The following NEO1 variants were observed in gnomAD, a reference collection of about 807,000 sequenced individuals.
NEO1 encodes neogenin 1.
In NEO1, 63 loss-of-function variants were observed where a neutral mutation model predicts 159.7. The ratio of observed to expected loss-of-function variants is 0.39; its 90% CI spans 0.32 to 0.49. The LOEUF is 0.49. Among genes scored for constraint, NEO1 ranks in the 20% least tolerant of loss-of-function variants. The pLI is 0.85. For synonymous variants in NEO1, 633 were observed against 662.0 expected, an observed-to-expected ratio of 0.96 and a Z score of 0.67; for missense variants, 1,615 against 1,831.0, an observed-to-expected ratio of 0.88 and a Z score of 2.15.
chr15:73,296,442 G>A (rs1204894353), intron 26 of NEO1, among the ~76,000 whole-genome samples: 2 of 152,110 alleles, frequency 1.3e-5, no homozygotes, highest in African/African-American at 4.8e-5. Flanking sequence ...ACCTAAGCCT[G>A]GTAGGGCCAA....
chr15:73,105,083 T>C (rs1481864938), intron 1 of NEO1, among the ~76,000 whole-genome samples: 1 of 152,196 alleles, frequency 6.6e-6, no homozygotes. Flanking sequence ...TATGAAAATA[T>C]TTTATTAAAT....
In NEO1 at chr15:73,244,334, T is replaced by C; in HGVS notation, c.1452-10T>C. ...TTAATGCTATCTCTCTCCAAATCCT[T>C]TGTCTAAAGGGAACGTGTTGAGAAT... On this transcript the variant is annotated splice_polypyrimidine_tract_variant and intron_variant, in intron 8 of 28. Coordinates refer to ENST00000261908, the MANE Select transcript of NEO1 (RefSeq NM_002499.4). 1 of 1,609,534 alleles carries C rather than the reference T, an allele frequency of 6.2e-7. No individual in the cohort carries two copies. The highest frequency in any genetic ancestry group is 1.1e-5 in the South Asian group (1 of 90,444).
intron 5 of NEO1, among the ~76,000 whole-genome samples, chr15:73,163,185 G>A (rs2034314303): frequency 6.6e-6 from 1 of 151,944 alleles, no homozygotes; most frequent in East Asian, 1.9e-4. Context: ...ACGTAAGAAT[G>A]TGAATGACAA....
Position 73,293,539 on chromosome 15 carries a change from A to T in NEO1, c.3892A>T (p.Asn1298Tyr), listed in dbSNP as rs140933129. 24 of 1,614,012 alleles carry T rather than the reference A, an allele frequency of 1.5e-5. No individual in the cohort carries two copies. In the African/African-American group the frequency reaches 3.2e-4, roughly 22 times the overall value. ...ATCCATGTCCCTTTCAGACAGGGCCAATTCCACAGGTGAGAGATGAGGATC... is the reference window on the plus strand; with the variant it reads ...ATCCATGTCCCTTTCAGACAGGGCCTATTCCACAGGTGAGAGATGAGGATC... ...GTSMSLSDRA[N>Y]STESVRNTPS... Residue 1298 changes from asparagine (N) to tyrosine (Y), a missense_variant, in exon 26 of 29, where the codon AAT becomes TAT. By Grantham distance (143) the Asn-to-Tyr change is moderately radical. Around this residue, in one of 3 missense-constraint regions of NEO1, gnomAD observed 471 missense variants for 498.9 expected, o/e 0.94. Coordinates refer to ENST00000261908, the MANE Select transcript of NEO1 (RefSeq NM_002499.4).
chr15:73,091,165 C>A (rs890677097), intron 1 of NEO1, among the ~76,000 whole-genome samples: 1 of 152,074 alleles, frequency 6.6e-6, no homozygotes, highest in Non-Finnish European at 1.5e-5. Flanking sequence ...TTTACTTAGC[C>A]GTTTTCCTGG....
chr15:73,299,664 C>T (rs1164681529), intron 27 of NEO1, among the ~76,000 whole-genome samples: 1 of 152,154 alleles, frequency 6.6e-6, no homozygotes, highest in Admixed American at 6.5e-5. Context: ...GGAATATAGG[C>T]GTGAGCCACT....
intron 23 of NEO1, among the ~76,000 whole-genome samples, chr15:73,286,435 C>T (rs1347776579): frequency 4.6e-5 from 7 of 152,104 alleles, no homozygotes; most frequent in Admixed American, 4.6e-4. Flanking sequence ...TCTACCTAGC[C>T]ATCAAATACA....
intron 2 of NEO1, among the ~76,000 whole-genome samples, chr15:73,121,658 T>C (rs1046724438): frequency 1.3e-5 from 2 of 152,280 alleles, no homozygotes; most frequent in South Asian, 2.1e-4. Flanking sequence ...CAAATGGTGA[T>C]TTTTCTAGTT....
At chr15:73,148,524 C>A (rs149304998) in intron 5 of NEO1, among the ~76,000 whole-genome samples, 1 of 152,222 alleles carries the variant, frequency 6.6e-6, no homozygotes, top group Non-Finnish European at 1.5e-5. Flanking sequence ...TGTATTTCTT[C>A]CCCCGCTACC....
chr15:73,269,907 A>G, intron 16 of NEO1, 103 bp from the exon 17 acceptor site: 1 of 888,950 alleles, frequency 1.1e-6, no homozygotes, highest in Non-Finnish European at 1.8e-6. Flanking sequence ...CTTTTTCTCC[A>G]TTTCTCACCT....
rs1043168251 is a variant in NEO1, at chr15:73,272,631, A to G, written c.2965+69A>G. 2.7e-6 allele frequency: 3 copies of G among 1,131,138 alleles called. No homozygotes were observed. The African/African-American group carries it at 4.6e-5, about 17-fold the overall frequency. The allele number at this position is 1,131,138 out of a possible 1,614,324, so 70.1% of individuals were successfully genotyped here. ...CCTGACAGGAGTATTCCAGGAGAGT[A>G]CCATGTTGCTGGGAGAAGTGGGAGT... On this transcript the variant is annotated intron_variant, in intron 19 of 28. Coordinates refer to ENST00000261908, the MANE Select transcript of NEO1 (RefSeq NM_002499.4).
chr15:73,134,669 G>A (rs1479074270), intron 4 of NEO1, among the ~76,000 whole-genome samples: 3 of 151,776 alleles, frequency 2.0e-5, no homozygotes, highest in Admixed American at 2.0e-4. Flanking sequence ...TCCTGCCTCA[G>A]CCTCCGTGTA....
chr15:73,228,505 G>A (rs893840859), intron 7 of NEO1, among the ~76,000 whole-genome samples: 9 of 143,656 alleles, frequency 6.3e-5, no homozygotes, highest in Non-Finnish European at 6.0e-5. Flanking sequence ...TGGAAATATT[G>A]TCTGCCAGTC....
intron 28 of NEO1, 61 bp from the exon 29 acceptor site, chr15:73,302,552 G>T: frequency 6.7e-7 from 1 of 1,501,720 alleles, no homozygotes; most frequent in South Asian, 1.2e-5. Flanking sequence ...CCTCTCTCTG[G>T]GCTCTCCTTT....
At chr15:73,245,637 C>T (rs1023204281) in intron 9 of NEO1, among the ~76,000 whole-genome samples, 5 of 151,246 alleles carry the variant, frequency 3.3e-5, no homozygotes, top group Non-Finnish European at 7.4e-5. Flanking sequence ...TGCAGTGGCA[C>T]AGTCTCTGCT....
intron 7 of NEO1, among the ~76,000 whole-genome samples, chr15:73,207,491 G>A (rs2037306935): frequency 6.6e-6 from 1 of 152,142 alleles, no homozygotes; most frequent in South Asian, 2.1e-4. Context: ...TATCATTCAA[G>A]GCCCAGCTTT....
intron 1 of NEO1, among the ~76,000 whole-genome samples, chr15:73,066,401 A>G (rs1463149934): frequency 7.8e-6 from 1 of 128,374 alleles, no homozygotes; most frequent in Non-Finnish European, 1.6e-5. Flanking sequence ...CCTTTAACCC[A>G]CTCCAGCATG....
chr15:73,249,380 C>T (rs549497734), intron 10 of NEO1, among the ~76,000 whole-genome samples, 172 bp downstream of exon 10: 1 of 152,184 alleles, frequency 6.6e-6, no homozygotes, highest in South Asian at 2.1e-4. Flanking sequence ...TAGTTTTTAC[C>T]AGCAGTGGTC....
chr15:73,264,276 C>T (rs1274922908), intron 15 of NEO1, among the ~76,000 whole-genome samples: 2 of 152,124 alleles, frequency 1.3e-5, no homozygotes, highest in African/African-American at 4.8e-5. Flanking sequence ...GCAGTATTGA[C>T]AGGACATGGT....
Sources: allele counts gnomAD v4.1 joint callset (sites outside exome capture counted in the v4.1 genomes callset), GRCh38; gene constraint gnomAD v4.1.1; regional missense constraint gnomAD v4.1.1; transcripts MANE v1.5; gene names NCBI Gene and HGNC (gene_info 2026-07-23, HGNC 2026-07-21).